The following ARMH4 variants were observed in gnomAD, a reference collection of about 807,000 sequenced individuals.
The protein encoded by ARMH4 is armadillo like helical domain containing 4.
A neutral mutation model predicts 61.9 loss-of-function variants in ARMH4; 49 were observed. The observed-to-expected ratio is 0.79, with a 90% CI of 0.63 to 1.00. The LOEUF (loss-of-function observed/expected upper bound fraction) is 1.00. Ranked by LOEUF, ARMH4 falls within the 50% of genes least tolerant of loss-of-function variation. The pLI is 0.00. For synonymous variants in ARMH4, 368 were observed against 341.5 expected, an observed-to-expected ratio of 1.08 and a Z score of -0.85; for missense variants, 934 against 930.0, an observed-to-expected ratio of 1.00 and a Z score of -0.06.
rs530780523 is a variant in ARMH4, at chr14:58,057,530, G to C, written c.2089+39194C>G. ...TACTAGCTCAAAAGGTGGTACTCTT[G>C]TCTAAAATGCTATCTTCCAAAGGGT... is the stretch of plus-strand genomic sequence containing the variant. On this transcript the variant is annotated intron_variant, in intron 5 of 7. Transcript: ENST00000267485. 2.0e-5 allele frequency among the ~76,000 whole-genome samples: 3 copies of C among 151,718 alleles called. No individual in the cohort carries two copies. In the South Asian group the frequency reaches 6.3e-4, roughly 32 times the overall value.
chr14:58,101,934 G>C (rs1208441293), intron 4 of ARMH4, among the ~76,000 whole-genome samples: 1 of 152,072 alleles, frequency 6.6e-6, no homozygotes, highest in African/African-American at 2.4e-5. Context: ...AGGAGGGATG[G>C]GTGAATGAAG....
At chr14:58,100,963 A>C (rs1311150307) in intron 4 of ARMH4, 1 of 163,042 alleles carries the variant, frequency 6.1e-6, no homozygotes, top group South Asian at 1.8e-4. Flanking sequence ...AAGCAGACAG[A>C]CATCCAAAGG....
intron 5 of ARMH4, among the ~76,000 whole-genome samples, chr14:58,044,978 A>T (rs1883879304): frequency 6.6e-6 from 1 of 152,164 alleles, no homozygotes; most frequent in Non-Finnish European, 1.5e-5. Flanking sequence ...GCTGGAGAGG[A>T]TGTGGAGAAA....
At chr14:58,107,726 T>A (rs984294700) in intron 4 of ARMH4, among the ~76,000 whole-genome samples, 1 of 143,730 alleles carries the variant, frequency 7.0e-6, no homozygotes, top group Non-Finnish European at 1.5e-5. Flanking sequence ...ATTACGCCAT[T>A]GCACTCCAGC....
Position 58,004,882 on chromosome 14 carries a change from C to T in ARMH4, c.2257-78G>A. 3.2e-6 allele frequency: 5 copies of T among 1,538,876 alleles called. No individual in the cohort carries two copies. In the South Asian group the frequency reaches 4.5e-5, roughly 14 times the overall value. The stretch of plus-strand genomic sequence containing the variant: ...TGAGAAACAGGCCCACTTTAAAAGA[C>T]ATGCTAACAAACGAAGCCAAGGCAG... On this transcript the variant is annotated intron_variant, in intron 7 of 7. Transcript: ENST00000267485.
intron 5 of ARMH4, among the ~76,000 whole-genome samples, chr14:58,061,447 A>T (rs1387175816): frequency 2.6e-5 from 4 of 152,138 alleles, no homozygotes; most frequent in Admixed American, 2.0e-4. Flanking sequence ...CCTGCCTAGA[A>T]TCAATCCTTT....
At chr14:58,054,887 AATAATAAT>A (rs1884285012) in intron 5 of ARMH4, among the ~76,000 whole-genome samples, 1 of 80,556 alleles carries the variant, frequency 1.2e-5, no homozygotes, top group African/African-American at 8.1e-5. Context: ...AAAAAAAAAT[AATAATAAT>A]AATAATAATA....
intron 5 of ARMH4, among the ~76,000 whole-genome samples, chr14:58,073,742 G>A (rs531460744): frequency 1.3e-5 from 2 of 152,198 alleles, no homozygotes; most frequent in Non-Finnish European, 2.9e-5. Context: ...AGAGACGTGA[G>A]AAATCAAGGA....
chr14:58,151,647 G>T (rs1473660032), intron 1 of ARMH4, among the ~76,000 whole-genome samples: 4 of 152,248 alleles, frequency 2.6e-5, no homozygotes, highest in Non-Finnish European at 5.9e-5. Context: ...TGCGATCGAC[G>T]GTTTGAAAGG....
At chr14:58,077,486 G>A (rs1288548400) in intron 5 of ARMH4, among the ~76,000 whole-genome samples, 6 of 152,080 alleles carry the variant, frequency 3.9e-5, no homozygotes, top group Non-Finnish European at 7.4e-5. Context: ...GCACACCTGC[G>A]GTCCCAGCTA....
chr14:58,041,995 T>C (rs1883727067), intron 5 of ARMH4, among the ~76,000 whole-genome samples: 1 of 151,930 alleles, frequency 6.6e-6, no homozygotes, highest in African/African-American at 2.4e-5. Context: ...ACAATAATAA[T>C]GGGAGACTTT....
chr14:58,040,498 T>C (rs1280375434), intron 5 of ARMH4, among the ~76,000 whole-genome samples: 1 of 152,216 alleles, frequency 6.6e-6, no homozygotes, highest in Non-Finnish European at 1.5e-5. Flanking sequence ...ATTATCTTGT[T>C]CTTCTTTATA....
chr14:58,099,325 T>TA (rs768894497), intron 4 of ARMH4, among the ~76,000 whole-genome samples: 13 of 152,050 alleles, frequency 8.5e-5, no homozygotes, highest in Non-Finnish European at 1.9e-4. Flanking sequence ...AGCCACCACT[T>TA]AGAGGGTGAC....
Position 58,138,231 on chromosome 14 carries a change from C to A in ARMH4, c.1128G>T (p.Thr376=). 1 of 1,614,188 alleles carries A rather than the reference C, an allele frequency of 6.2e-7. No homozygotes were observed. The highest frequency in any genetic ancestry group is 8.5e-7 in the Non-Finnish European group (1 of 1,180,038). The change falls in exon 2 of 8, where the codon ACG becomes ACT. Residue 376 remains threonine (T), a synonymous_variant. Coordinates refer to ENST00000267485, the MANE Select transcript of ARMH4 (RefSeq NM_001001872.4). ...CATGCGCTATTAGCAGGGCTGTGCC[C>A]GTGTGTGTTTCCCCTTCAGGCAGCC... ...ALGLPEGETH[T]GTALLIAHGN...
At chr14:58,032,569 C>T (rs1382612750) in intron 5 of ARMH4, among the ~76,000 whole-genome samples, 1 of 152,150 alleles carries the variant, frequency 6.6e-6, no homozygotes, top group Admixed American at 6.5e-5. Flanking sequence ...CGAATAGGAA[C>T]AGCTCTGGTC....
At chr14:58,088,394 TCA>T (rs1885448221) in intron 5 of ARMH4, among the ~76,000 whole-genome samples, 2 of 151,672 alleles carry the variant, frequency 1.3e-5, no homozygotes, top group South Asian at 4.2e-4. Flanking sequence ...ATGTTCATCC[TCA>T]CAAGGCAGAG....
chr14:58,101,515 T>C (rs1357696276), intron 4 of ARMH4: 1 of 152,214 alleles, frequency 6.6e-6, no homozygotes, highest in African/African-American at 2.4e-5. Context: ...TGGTCTGACA[T>C]CTAAAGAAGT....
rs568758672 is a variant in ARMH4, at chr14:58,142,752, G to A, written c.-56-3338C>T. On this transcript the variant is annotated intron_variant, in intron 1 of 7. Coordinates refer to ENST00000267485, the MANE Select transcript of ARMH4 (RefSeq NM_001001872.4). ...CTCCCAAAGTGCTGAAATTACAAGC[G>A]TGAGCTCCCCTCCCCTTCCTTTCCC... Among the ~76,000 whole-genome samples, 9 of 152,158 alleles carry A rather than the reference G, an allele frequency of 5.9e-5. No homozygotes were observed. In the East Asian group the frequency reaches 9.7e-4, roughly 16 times the overall value.
At chr14:58,065,031 CAA>C (rs1011277071) in intron 5 of ARMH4, among the ~76,000 whole-genome samples, 1 of 152,080 alleles carries the variant, frequency 6.6e-6, no homozygotes, top group African/African-American at 2.4e-5. Context: ...ATCACGAGGC[CAA>C]GAGATTGAGA....
Sources: gnomAD v4.1 joint callset for allele counts (sites outside exome capture counted in the v4.1 genomes callset) on GRCh38, gnomAD v4.1.1 for gene constraint, MANE v1.5 for transcripts, NCBI Gene and HGNC (gene_info 2026-07-23, HGNC 2026-07-21) for gene names.